Variants in DNAH5 observed in about 807,000 individuals in gnomAD.
DNAH5 encodes the protein axonemal beta dynein heavy chain 5.
Under a neutral mutation model 518.2 loss-of-function variants are expected in DNAH5, and 372 were observed. The observed-to-expected ratio is 0.72, with a 90% CI of 0.66 to 0.78. DNAH5 has a LOEUF of 0.78. Among genes scored for constraint, DNAH5 ranks in the 30% least tolerant of loss-of-function variants. DNAH5 has a pLI of 0.00. For synonymous variants in DNAH5, 2,039 were observed against 2,025.9 expected (o/e 1.01, Z -0.17); for missense variants, 5,523 against 5,687.0 (o/e 0.97, Z 0.93).
intron 27 of DNAH5, among the ~76,000 whole-genome samples, chr5:13,865,221 C>T (rs932900316): frequency 1.3e-5 from 2 of 151,944 alleles, no homozygotes; most frequent in Non-Finnish European, 2.9e-5. Context: ...TCTCAATCTC[C>T]TGACCTCGTG....
rs760742856 is a variant in DNAH5, at chr5:13,701,339, CAGTG to C, written c.13432_13435del (p.His4478AlafsTer4). Reference sequence around the variant, plus strand: ...GTTAAAAAAACCCGTCATCCAAAAGCAGTGAGGTCGGCCATTGAAAACCCACGAG... The same window carrying C: ...GTTAAAAAAACCCGTCATCCAAAAGCAGGTCGGCCATTGAAAACCCACGAG... On this transcript the variant is annotated frameshift_variant, in exon 77 of 79. Coordinates refer to ENST00000265104, the MANE Select transcript of DNAH5 (RefSeq NM_001369.3). LOFTEE classifies it high-confidence loss of function. 6.2e-7 allele frequency: 1 copy of C among 1,614,098 alleles called. No individual in the cohort carries two copies. Among genetic ancestry groups the C allele is most frequent in the Non-Finnish European group, 8.5e-7 (1 of 1,180,006 alleles).
chr5:13,785,091 G>T (rs923072785), intron 52 of DNAH5, among the ~76,000 whole-genome samples: 11 of 151,772 alleles, frequency 7.2e-5, no homozygotes, highest in Non-Finnish European at 1.3e-4. Flanking sequence ...TATATAGCTC[G>T]CCATAATGTA....
chr5:13,900,779 T>G (rs2151962029), intron 14 of DNAH5: 1 of 324,878 alleles, frequency 3.1e-6, no homozygotes, highest in East Asian at 7.7e-5. Flanking sequence ...CAGTTTTTAC[T>G]TATCTAGAAA....
chr5:13,842,963 A>T (rs1316113216), intron 32 of DNAH5, among the ~76,000 whole-genome samples: 2 of 152,210 alleles, frequency 1.3e-5, no homozygotes, highest in African/African-American at 4.8e-5. Flanking sequence ...AGACACTTAA[A>T]TTATCTTCCA....
chr5:13,714,990 T>C (rs1381099006), intron 74 of DNAH5, among the ~76,000 whole-genome samples: 1 of 152,136 alleles, frequency 6.6e-6, no homozygotes, highest in Non-Finnish European at 1.5e-5. Flanking sequence ...TAACTAATGG[T>C]TATTATGTTT....
chr5:13,818,205 C>T (rs892456891), intron 41 of DNAH5, among the ~76,000 whole-genome samples: 1 of 152,254 alleles, frequency 6.6e-6, no homozygotes, highest in African/African-American at 2.4e-5. Flanking sequence ...GTATTCAAAT[C>T]TTTCACACCC....
chr5:13,938,549 A>T (rs112518290), intron 1 of DNAH5, among the ~76,000 whole-genome samples: 52,602 of 150,156 alleles, frequency 0.35, 10,178 homozygotes, highest in East Asian at 0.65. Flanking sequence ...TGTATATATA[A>T]AAAATGTAAA....
At chr5:13,807,950 C>A (rs1759898065) in intron 46 of DNAH5, among the ~76,000 whole-genome samples, 3 of 152,126 alleles carry the variant, frequency 2.0e-5, no homozygotes, top group African/African-American at 7.2e-5. Context: ...AAATTTGTGG[C>A]CAGGTGTGGT....
chr5:13,823,240 C>T (rs754251440), intron 40 of DNAH5, 23 bp downstream of exon 40: 80 of 1,450,320 alleles, frequency 5.5e-5, no homozygotes, highest in South Asian at 2.1e-4. Flanking sequence ...CACCAGCCCT[C>T]GTTGCCCTGT....
intron 14 of DNAH5, 139 bp downstream of exon 14, chr5:13,901,113 C>G: frequency 2.3e-6 from 2 of 860,052 alleles, no homozygotes; most frequent in South Asian, 1.5e-5. Flanking sequence ...ACATATTACA[C>G]TCTGAACGCT....
intron 72 of DNAH5, among the ~76,000 whole-genome samples, chr5:13,718,104 T>C (rs1383436127): frequency 6.6e-6 from 1 of 152,140 alleles, no homozygotes; most frequent in Admixed American, 6.6e-5. Flanking sequence ...ATTTGGGCCT[T>C]GTTAGCAACT....
At position 13,718,016 on chromosome 5, in the gene DNAH5, GATTT is replaced by G. The variant is rs199579663; in HGVS notation, c.12500-500_12500-497del. ...ATATACTATATTGTATATATAATTA[GATTT>G]ATTTATTTATTTTTTACTGCCATTA... On this transcript the variant is annotated intron_variant, in intron 72 of 78. Coordinates refer to ENST00000265104, the MANE Select transcript of DNAH5 (RefSeq NM_001369.3). Among the ~76,000 whole-genome samples, 369 of 151,846 alleles carry G rather than the reference GATTT, an allele frequency of 2.4e-3. 7 individuals carry two copies. The East Asian group carries it at 0.054, about 22-fold the overall frequency.
In DNAH5 at chr5:13,894,713, C is replaced by T. The variant is rs201417702; in HGVS notation, c.2368G>A (p.Ala790Thr). Reference protein sequence around the residue: ...KVDEALQPGLAALTWTSLNIE... With the variant: ...KVDEALQPGLTALTWTSLNIE... ...TTCAGTGATGTCCAGGTCAGTGCAG[C>T]CAAGCCAGGTTGGAGAGCTTCATCC... The change falls in exon 16 of 79, where the codon GCT becomes ACT. Residue 790 changes from alanine to threonine, a missense_variant. This residue lies in a region of DNAH5 where 5,121 missense variants were observed against 5,223.3 expected (regional missense o/e 0.98). Coordinates refer to ENST00000265104, the MANE Select transcript of DNAH5 (RefSeq NM_001369.3). 89 of 1,614,082 alleles carry T rather than the reference C, an allele frequency of 5.5e-5. No homozygotes were observed. The highest frequency in any genetic ancestry group is 1.6e-4 in the Middle Eastern group (1 of 6,062).
At chr5:13,992,635 T>C (rs1783637330) in intron 1 of DNAH5, among the ~76,000 whole-genome samples, 1 of 152,170 alleles carries the variant, frequency 6.6e-6, no homozygotes, top group South Asian at 2.1e-4. Context: ...ATCCAGGGGA[T>C]TCCCTTGTAA....
intron 55 of DNAH5, among the ~76,000 whole-genome samples, chr5:13,775,133 G>T (rs1189142321): frequency 2.2e-3 from 242 of 110,412 alleles, no homozygotes; most frequent in African/African-American, 3.2e-3. Context: ...ACTCCTTTTT[G>T]TTTTTTTTTT....
Position 13,830,666 on chromosome 5 carries a change from C to T in DNAH5, c.5992G>A (p.Gly1998Arg), listed in dbSNP as rs1298790222. The T allele has an allele frequency of 2.5e-6, 4 of 1,614,028 alleles. No homozygotes were observed. Among genetic ancestry groups the T allele is most frequent in the African/African-American group, 1.3e-5 (1 of 74,902 alleles). ...ETTKDMGRCLGKYVVVFNCSD... is the reference protein window; with the variant it reads ...ETTKDMGRCLRKYVVVFNCSD... ...CAATTGAAAACCACGACGTATTTCCCGAGGCATCGTCCCATGTCTTTAGTG... is the reference window on the plus strand; with the variant it reads ...CAATTGAAAACCACGACGTATTTCCTGAGGCATCGTCCCATGTCTTTAGTG... Residue 1998 changes from glycine (G) to arginine (R), a missense_variant, in exon 36 of 79, where the codon GGG becomes AGG. Transcript: ENST00000265104.
chr5:13,868,713 C>T (rs1348970196), intron 24 of DNAH5, among the ~76,000 whole-genome samples: 4 of 152,168 alleles, frequency 2.6e-5, no homozygotes, highest in Non-Finnish European at 5.9e-5. Flanking sequence ...CTCTTCCCTC[C>T]CTCTCCGTGG....
Position 13,691,940 on chromosome 5 carries a change from A to T in DNAH5, c.*44T>A. 1.2e-6 allele frequency: 2 copies of T among 1,612,704 alleles called. No homozygotes were observed. Among genetic ancestry groups the T allele is most frequent in the Non-Finnish European group, 1.7e-6 (2 of 1,178,798 alleles). On this transcript the variant is annotated 3_prime_UTR_variant, in exon 79 of 79. Transcript: ENST00000265104. ...AGAAATAAAGGTTACAATAATTTAG[A>T]TCTTGCATTTTCCAAAGCATTGGGT...
chr5:13,850,520 T>G, intron 31 of DNAH5, 132 bp downstream of exon 31: 3 of 736,958 alleles, frequency 4.1e-6, no homozygotes, highest in Non-Finnish European at 7.1e-6. Flanking sequence ...AATATCAGTT[T>G]CATCTGTGCA....
Sources: allele counts gnomAD v4.1 joint callset (sites outside exome capture counted in the v4.1 genomes callset), GRCh38; gene constraint gnomAD v4.1.1; regional missense constraint gnomAD v4.1.1; transcripts MANE v1.5; gene names NCBI Gene and HGNC (gene_info 2026-07-23, HGNC 2026-07-21).